Variants in HS6ST1 observed in about 807,000 individuals in gnomAD.
HS6ST1 encodes heparan sulfate 6-O-sulfotransferase 1.
Under a neutral mutation model 25.2 loss-of-function variants are expected in HS6ST1, and 3 were observed. The observed-to-expected ratio is 0.12, with a 90% CI of 0.05 to 0.31. The LOEUF (loss-of-function observed/expected upper bound fraction) is 0.31, where lower values mean the gene tolerates loss of function less well. Ranked by LOEUF, HS6ST1 falls within the 10% of genes least tolerant of loss-of-function variation. HS6ST1 has a pLI of 1.00. For synonymous variants in HS6ST1, 204 were observed against 275.1 expected, an observed-to-expected ratio of 0.74 and a Z score of 2.56; for missense variants, 310 against 609.6, an observed-to-expected ratio of 0.51 and a Z score of 5.18.
chr2:128,304,281 C>T (rs115026809), intron 1 of HS6ST1, among the ~76,000 whole-genome samples: 3,250 of 152,298 alleles, frequency 0.021, 125 homozygotes, highest in African/African-American at 0.075. Flanking sequence ...CCGACCCCTA[C>T]GCTGGGGGAT....
chr2:128,287,333 C>T (rs142004863), intron 1 of HS6ST1, among the ~76,000 whole-genome samples: 1 of 152,322 alleles, frequency 6.6e-6, no homozygotes, highest in African/African-American at 2.4e-5. Flanking sequence ...CCCTGAGATG[C>T]ACTGCCCAGC....
intron 1 of HS6ST1, among the ~76,000 whole-genome samples, chr2:128,271,715 C>G (rs577346665): frequency 2.0e-5 from 3 of 152,324 alleles, no homozygotes; most frequent in Admixed American, 2.0e-4. Flanking sequence ...AGACGCAGCA[C>G]TCAAAGCTGG....
At chr2:128,289,798 T>A (rs1252677482) in intron 1 of HS6ST1, 3 of 152,170 alleles carry the variant, frequency 2.0e-5, no homozygotes, top group Admixed American at 6.5e-5. Context: ...ACCTACCTGC[T>A]TTCACCAACC....
At chr2:128,317,105 G>T (rs973327203) in intron 1 of HS6ST1, among the ~76,000 whole-genome samples, 1 of 152,264 alleles carries the variant, frequency 6.6e-6, no homozygotes, top group Non-Finnish European at 1.5e-5. Context: ...AGGACGAATG[G>T]GCACCAACAG....
At chr2:128,294,580 C>A (rs752760627) in intron 1 of HS6ST1, among the ~76,000 whole-genome samples, 5 of 152,072 alleles carry the variant, frequency 3.3e-5, no homozygotes, top group Non-Finnish European at 7.4e-5. Context: ...AGCTGCGGCC[C>A]CTCTGAGGAC....
intron 1 of HS6ST1, among the ~76,000 whole-genome samples, chr2:128,270,737 A>G (rs891696840): frequency 6.6e-6 from 1 of 152,146 alleles, no homozygotes. Context: ...CCGTGACCAA[A>G]TGGATGGAGA....
At chr2:128,292,550 T>C (rs1228376729) in intron 1 of HS6ST1, among the ~76,000 whole-genome samples, 1 of 151,498 alleles carries the variant, frequency 6.6e-6, no homozygotes, top group Admixed American at 6.6e-5. Flanking sequence ...TGGAGGGTGG[T>C]GGTGGGCCCA....
intron 1 of HS6ST1, among the ~76,000 whole-genome samples, chr2:128,316,674 C>A (rs572181955): frequency 6.6e-6 from 1 of 151,944 alleles, no homozygotes; most frequent in Non-Finnish European, 1.5e-5. Context: ...ACATCACCTC[C>A]CAGGCTGGGA....
Position 128,310,148 on chromosome 2 carries a change from C to T in HS6ST1, c.527+7889G>A, listed in dbSNP as rs567877136. On this transcript the variant is annotated intron_variant, in intron 1 of 1. Transcript: ENST00000259241. ...CTCCCAGCAGAGCTTTCCAGAAGCCCACCCAACACACAGCCCAGGGCCTGA... is the reference window on the plus strand; with the variant it reads ...CTCCCAGCAGAGCTTTCCAGAAGCCTACCCAACACACAGCCCAGGGCCTGA... Among the ~76,000 whole-genome samples, 10 of 152,342 alleles carry T rather than the reference C, an allele frequency of 6.6e-5. No homozygotes were observed. In the South Asian group the frequency reaches 2.1e-3, roughly 32 times the overall value.
intron 1 of HS6ST1, among the ~76,000 whole-genome samples, chr2:128,289,451 C>T (rs1412979115): frequency 1.3e-5 from 2 of 152,214 alleles, no homozygotes; most frequent in Non-Finnish European, 2.9e-5. Flanking sequence ...CCTTCTGCAG[C>T]CAAAGTCTCC....
intron 1 of HS6ST1, among the ~76,000 whole-genome samples, chr2:128,295,743 T>C (rs927497793): frequency 7.1e-4 from 108 of 152,270 alleles, no homozygotes; most frequent in African/African-American, 2.6e-3. Flanking sequence ...GTATGCCACA[T>C]TAACAGAATG....
At chr2:128,274,188 A>G (rs1276404047) in intron 1 of HS6ST1, among the ~76,000 whole-genome samples, 1 of 152,226 alleles carries the variant, frequency 6.6e-6, no homozygotes, top group East Asian at 1.9e-4. Flanking sequence ...AGAGGAGATG[A>G]TGACAGAAAT....
chr2:128,317,997 G>C lies in HS6ST1; in HGVS notation c.527+40C>G, dbSNP rs1038649889. On this transcript the variant is annotated intron_variant, in intron 1 of 1. Coordinates refer to ENST00000259241, the MANE Select transcript of HS6ST1 (RefSeq NM_004807.3). ...CGGCGGGCATACGGCCCGGCCTCGG[G>C]GGCGCAGCTGCGCGAGGATCCCGCC... The C allele has an allele frequency of 5.7e-6, 8 of 1,410,498 alleles. No homozygotes were observed. The Admixed American group carries it at 2.8e-4, about 49-fold the overall frequency. The allele number at this position is 1,410,498 out of a possible 1,614,324, so 87.4% of individuals were successfully genotyped here.
At chr2:128,307,507 G>A (rs1416044454) in intron 1 of HS6ST1, among the ~76,000 whole-genome samples, 1 of 152,230 alleles carries the variant, frequency 6.6e-6, no homozygotes, top group Non-Finnish European at 1.5e-5. Context: ...TGAACAGGAG[G>A]AGAGAAGCGG....
At chr2:128,292,435 C>T (rs957496357) in intron 1 of HS6ST1, among the ~76,000 whole-genome samples, 10 of 152,204 alleles carry the variant, frequency 6.6e-5, no homozygotes, top group East Asian at 1.9e-4. Context: ...CAGAACAACC[C>T]GGGGCGAGAC....
At chr2:128,317,976 G>C in intron 1 of HS6ST1, 61 bp downstream of exon 1, 1 of 1,390,270 alleles carries the variant, frequency 7.2e-7, no homozygotes, top group Non-Finnish European at 9.2e-7. Context: ...ACAGCACGGC[G>C]GGCATACGGC....
At chr2:128,305,974 C>T (rs1175695320) in intron 1 of HS6ST1, among the ~76,000 whole-genome samples, 3 of 152,230 alleles carry the variant, frequency 2.0e-5, no homozygotes, top group African/African-American at 4.8e-5. Flanking sequence ...GACCTGCCTG[C>T]GACTTGTCAC....
intron 1 of HS6ST1, among the ~76,000 whole-genome samples, chr2:128,272,740 G>A (rs537088635): frequency 7.9e-5 from 12 of 152,324 alleles, no homozygotes; most frequent in African/African-American, 2.9e-4. Context: ...GAGCCACTTA[G>A]AGAAGCCGTG....
At position 128,267,705 on chromosome 2, in the gene HS6ST1, TG is replaced by T; in HGVS notation, c.*456del. On this transcript the variant is annotated 3_prime_UTR_variant, in exon 2 of 2. Transcript: ENST00000259241. ...GAGGGGCTATGGGATGGCCTGGAGC[TG>T]GGGCAGTTGCCAGAAGCTGGTCTCA... is the stretch of plus-strand genomic sequence containing the variant. 1 of 192,922 alleles carries T rather than the reference TG, an allele frequency of 5.2e-6. No individual in the cohort carries two copies. The allele number at this position is 192,922 out of a possible 1,614,324, so 12.0% of individuals were successfully genotyped here.
Sources: gnomAD v4.1 joint callset for allele counts (sites outside exome capture counted in the v4.1 genomes callset) on GRCh38, gnomAD v4.1.1 for gene constraint, MANE v1.5 for transcripts, NCBI Gene and HGNC (gene_info 2026-07-23, HGNC 2026-07-21) for gene names.